PARD3B: variants seen among roughly 807,000 people sequenced by gnomAD.
PARD3B encodes the protein par-3 family cell polarity regulator beta, also known as partitioning defective 3 homolog B.
A neutral mutation model predicts 130.2 loss-of-function variants in PARD3B; 103 were observed. The observed-to-expected ratio is 0.79, with a 90% CI of 0.67 to 0.93. PARD3B has a LOEUF of 0.93. Among genes scored for constraint, PARD3B ranks in the 40% least tolerant of loss-of-function variants. The probability of loss-of-function intolerance (pLI) is 0.00; values close to 1 mark genes in which losing one functional copy is unlikely to be tolerated. For synonymous variants in PARD3B, 583 were observed against 553.2 expected, an observed-to-expected ratio of 1.05 and a Z score of -0.76; for missense variants, 1,609 against 1,499.2, an observed-to-expected ratio of 1.07 and a Z score of -1.21.
At chr2:204,561,444 C>T (rs1005702081) in intron 1 of PARD3B, among the ~76,000 whole-genome samples, 9 of 152,098 alleles carry the variant, frequency 5.9e-5, no homozygotes, top group Admixed American at 2.0e-4. Flanking sequence ...ACTTTCTTGC[C>T]CTCTGGCTTC....
At chr2:204,704,571 A>G (rs1466650483) in intron 2 of PARD3B, among the ~76,000 whole-genome samples, 3 of 152,202 alleles carry the variant, frequency 2.0e-5, no homozygotes, top group African/African-American at 7.2e-5. Context: ...GAGAATTTTG[A>G]CTGGCATGAA....
intron 1 of PARD3B, among the ~76,000 whole-genome samples, chr2:204,579,032 A>C (rs373575983): frequency 5.9e-5 from 9 of 151,918 alleles, no homozygotes; most frequent in African/African-American, 2.2e-4. Context: ...GTTTTAGGAG[A>C]AACTTGAGTT....
chr2:205,054,426 ATATATATATATTTTTTT>A lies in PARD3B; in HGVS notation c.504+6738_504+6754del, dbSNP rs201417588. On this transcript the variant is annotated intron_variant, in intron 4 of 22. Transcript: ENST00000406610. Reference sequence around the variant, plus strand: ...CTTTTATATATATATATATATATATATATATATATATTTTTTTTTTTTTTTTTTTTTAATTATACTCT... The same window carrying A: ...CTTTTATATATATATATATATATATATTTTTTTTTTTTTTAATTATACTCT... Among the ~76,000 whole-genome samples the A allele has an allele frequency of 5.5e-3, 132 of 23,814 alleles. 3 individuals carry two copies. The highest frequency in any genetic ancestry group is 0.017 in the African/African-American group (119 of 7,038). 15.6% of individuals were successfully genotyped at this position (23,814 alleles called of 152,430 possible).
chr2:204,889,276 T>C (rs1008009662), intron 2 of PARD3B, among the ~76,000 whole-genome samples: 1 of 152,184 alleles, frequency 6.6e-6, no homozygotes, highest in East Asian at 1.9e-4. Context: ...CTCTTCATGA[T>C]CTCGATTCTT....
intron 18 of PARD3B, among the ~76,000 whole-genome samples, chr2:205,302,650 T>A (rs574258440): frequency 3.3e-5 from 5 of 150,412 alleles, no homozygotes; most frequent in Non-Finnish European, 7.4e-5. Context: ...AGCAGGGGAG[T>A]CAGGGTAGAT....
chr2:205,431,091 A>T (rs2047316640), intron 19 of PARD3B, among the ~76,000 whole-genome samples: 1 of 152,236 alleles, frequency 6.6e-6, no homozygotes, highest in South Asian at 2.1e-4. Context: ...TTATTTATTC[A>T]TTTAGAGACA....
intron 1 of PARD3B, among the ~76,000 whole-genome samples, chr2:204,648,404 C>A (rs551766648): frequency 6.7e-6 from 1 of 149,924 alleles, no homozygotes; most frequent in Non-Finnish European, 1.5e-5. Flanking sequence ...TCAGTTGTTT[C>A]CAGTTTTTTT....
chr2:205,313,232 C>A (rs1171912688), intron 18 of PARD3B, among the ~76,000 whole-genome samples: 5 of 152,206 alleles, frequency 3.3e-5, no homozygotes, highest in Non-Finnish European at 5.9e-5. Context: ...GACCCAGAGA[C>A]AGATGGGCTA....
chr2:205,291,909 C>T lies in PARD3B; in HGVS notation c.2186-8621C>T, dbSNP rs2041622551. Among the ~76,000 whole-genome samples, 1 of 152,346 alleles carries T rather than the reference C, an allele frequency of 6.6e-6. No homozygotes were observed. The highest frequency in any genetic ancestry group is 1.5e-5 in the Non-Finnish European group (1 of 68,034). ...ATTCTCCAGGACAATGGAAGAATGA[C>T]TCTGAAGGCAATTCAGTGATCATCA... On this transcript the variant is annotated intron_variant, in intron 16 of 22. Transcript: ENST00000406610. This position sits in a 1 kb window ranked among gnomAD's most constrained non-coding sequence, Gnocchi z 4.6.
chr2:204,884,462 A>G (rs2046196845), intron 2 of PARD3B, among the ~76,000 whole-genome samples: 1 of 151,952 alleles, frequency 6.6e-6, no homozygotes. Context: ...TCTTTTTTTC[A>G]ACTTTTGAGT....
intron 3 of PARD3B, among the ~76,000 whole-genome samples, chr2:205,037,563 G>A (rs1478770276): frequency 6.8e-6 from 1 of 146,456 alleles, no homozygotes; most frequent in Non-Finnish European, 1.5e-5. Flanking sequence ...TATATACAGT[G>A]GACTATATAT....
At position 205,142,441 on chromosome 2, in the gene PARD3B, A is replaced by G. The variant is rs562091714; in HGVS notation, c.1435-16281A>G. 3.0e-4 allele frequency among the ~76,000 whole-genome samples: 46 copies of G among 152,212 alleles called. No homozygotes were observed. The highest frequency in any genetic ancestry group is 4.1e-4 in the Non-Finnish European group (28 of 68,030). ...CAATTTCAAAGAGGTATTGTGGCAG[A>G]GAAGTGTCAACAAAACATGTATGAA... On this transcript the variant is annotated intron_variant, in intron 10 of 22. Transcript: ENST00000406610. This position sits in a 1 kb window ranked among gnomAD's most constrained non-coding sequence, Gnocchi z 4.3.
intron 2 of PARD3B, among the ~76,000 whole-genome samples, chr2:204,837,485 A>G (rs1431101883): frequency 7.3e-5 from 11 of 151,032 alleles, no homozygotes; most frequent in Non-Finnish European, 1.2e-4. Flanking sequence ...CAGTGGTGCA[A>G]TCTTGGCTCA....
intron 2 of PARD3B, among the ~76,000 whole-genome samples, chr2:204,711,845 G>A (rs1014266146): frequency 5.3e-5 from 8 of 152,098 alleles, no homozygotes; most frequent in African/African-American, 7.2e-5. Flanking sequence ...ATTGTACCCC[G>A]CCAACTATTC....
At chr2:204,681,771 G>T (rs571675680) in intron 1 of PARD3B, among the ~76,000 whole-genome samples, 1 of 152,198 alleles carries the variant, frequency 6.6e-6, no homozygotes, top group South Asian at 2.1e-4. Context: ...TGCATTGTGG[G>T]GCATCTGATT....
At chr2:205,141,473 AGTT>A (rs373276642) in intron 10 of PARD3B, among the ~76,000 whole-genome samples, 16 of 152,302 alleles carry the variant, frequency 1.1e-4, no homozygotes, top group African/African-American at 3.8e-4. Flanking sequence ...TGAACAGGGT[AGTT>A]GCCAAATAGC....
chr2:205,279,670 C>T (rs1416247943), intron 16 of PARD3B, among the ~76,000 whole-genome samples: 2 of 152,094 alleles, frequency 1.3e-5, no homozygotes, highest in East Asian at 1.9e-4. Context: ...TTCTGAGTCA[C>T]GTCATGGCAT....
chr2:205,261,947 T>G (rs372720771), intron 16 of PARD3B, among the ~76,000 whole-genome samples: 1 of 152,170 alleles, frequency 6.6e-6, no homozygotes, highest in South Asian at 2.1e-4. Flanking sequence ...ATGAGAAGGC[T>G]GTTTGATAAG....
chr2:205,345,555 T>G (rs1329346396), intron 18 of PARD3B, among the ~76,000 whole-genome samples: 2 of 151,920 alleles, frequency 1.3e-5, no homozygotes, highest in African/African-American at 4.8e-5. Context: ...CTGAACTCCA[T>G]CAGTTGAATG....
Sources: allele counts gnomAD v4.1 joint callset (sites outside exome capture counted in the v4.1 genomes callset), GRCh38; gene constraint gnomAD v4.1.1; non-coding constraint Gnocchi (gnomAD v3.1); transcripts MANE v1.5; gene names NCBI Gene and HGNC (gene_info 2026-07-23, HGNC 2026-07-21).